The following SLC23A1 variants were observed in gnomAD, a reference collection of about 807,000 sequenced individuals.
SLC23A1 encodes the protein Na(+)/L-ascorbic acid transporter 1.
A neutral mutation model predicts 62.5 loss-of-function variants in SLC23A1; 31 were observed. The observed-to-expected ratio is 0.50, with a 90% CI of 0.37 to 0.67. The LOEUF (loss-of-function observed/expected upper bound fraction) is 0.67. Among genes scored for constraint, SLC23A1 ranks in the 30% least tolerant of loss-of-function variants. The pLI, the probability that SLC23A1 is intolerant of heterozygous loss-of-function variation, is 0.00. For synonymous variants in SLC23A1, 271 were observed against 313.2 expected, an observed-to-expected ratio of 0.87 and a Z score of 1.42; for missense variants, 640 against 782.7, an observed-to-expected ratio of 0.82 and a Z score of 2.18.
rs1363148483 is a variant in SLC23A1 at position 139,379,388 on chromosome 5, G to C, written c.926-34C>G. The C allele has an allele frequency of 6.2e-7, 1 of 1,608,456 alleles. No individual in the cohort carries two copies. Among genetic ancestry groups the C allele is most frequent in the Non-Finnish European group, 8.5e-7 (1 of 1,175,150 alleles). The stretch of plus-strand genomic sequence containing the variant: ...GGAGGGAGACAGGATGGTGGCTACA[G>C]TGAGGAGACTGTGATGGTTAGGAAT... On this transcript the variant is annotated intron_variant, in intron 8 of 14. Transcript: ENST00000348729. This position sits in a 1 kb window ranked among gnomAD's most constrained non-coding sequence, Gnocchi z 4.7.
At chr5:139,376,063 G>A (rs1019873637) in intron 13 of SLC23A1, among the ~76,000 whole-genome samples, 1 of 152,122 alleles carries the variant, frequency 6.6e-6, no homozygotes, top group South Asian at 2.1e-4. Flanking sequence ...GGTCACATAA[G>A]CCCAGGAGTT....
At chr5:139,371,923 T>C (rs543798250) in intron 14 of SLC23A1, 64 bp downstream of exon 14, 17 of 1,321,774 alleles carry the variant, frequency 1.3e-5, no homozygotes, top group African/African-American at 2.9e-5. Flanking sequence ...GGTTTTTCTT[T>C]GGTTAAAGCA....
At position 139,372,391 on chromosome 5, in the gene SLC23A1, T is replaced by C. The variant is rs1757717599; in HGVS notation, c.1550-138A>G. ...CATTTGGTCCTAAAACGTGGCTGAA[T>C]CTATGGTTTCTGAGCTCCTAACTTG... On this transcript the variant is annotated intron_variant, in intron 13 of 14. Transcript: ENST00000348729. 10 of 775,700 alleles carry C rather than the reference T, an allele frequency of 1.3e-5. No individual in the cohort carries two copies. In the South Asian group the frequency reaches 1.5e-4, roughly 11 times the overall value. The allele number at this position is 775,700 out of a possible 1,614,324, so 48.1% of individuals were successfully genotyped here.
chr5:139,380,166 G>A (rs1165373197), intron 6 of SLC23A1, 42 bp downstream of exon 6: 2 of 1,557,476 alleles, frequency 1.3e-6, no homozygotes, highest in Non-Finnish European at 1.7e-6. Context: ...AAGAGGGTAG[G>A]GTGCTGGGGC....
Position 139,378,107 on chromosome 5 carries a change from C to A in SLC23A1, c.1321G>T (p.Ala441Ser). 6.2e-7 allele frequency: 1 copy of A among 1,614,222 alleles called. No homozygotes were observed. The highest frequency in any genetic ancestry group is 8.5e-7 in the Non-Finnish European group (1 of 1,180,038). The stretch of plus-strand genomic sequence containing the variant: ...AATTGCAGGTTGGACAGCCCCACAG[C>A]TGTAATCATGCCTAAGGGCGCAAGA... ...MFCTLFGMIT[A>S]VGLSNLQFVD... Residue 441 changes from alanine (A) to serine (S), a missense_variant, in exon 12 of 15, where the codon GCT becomes TCT. Coordinates refer to ENST00000348729, the MANE Select transcript of SLC23A1 (RefSeq NM_005847.5). This position sits in a 1 kb window ranked among gnomAD's most constrained non-coding sequence, Gnocchi z 4.5.
Position 139,382,611 on chromosome 5 carries a change from G to A in SLC23A1, c.37-6C>T, listed in dbSNP as rs1410089831. 1.3e-6 allele frequency: 2 copies of A among 1,572,532 alleles called. No homozygotes were observed. Among genetic ancestry groups the A allele is most frequent in the South Asian group, 2.2e-5 (2 of 90,094 alleles). On this transcript the variant is annotated splice_polypyrimidine_tract_variant and splice_region_variant and intron_variant, in intron 1 of 14. Coordinates refer to ENST00000348729, the MANE Select transcript of SLC23A1 (RefSeq NM_005847.5). ...GGGTCCCTGGTGGTTTCATGCTGGA[G>A]GCAGCAGAGATAAGTAGCTTAGGGT...
At chr5:139,368,873 A>T in intron 14 of SLC23A1, 1 of 1,103,296 alleles carries the variant, frequency 9.1e-7, no homozygotes, top group African/African-American at 1.6e-5. Flanking sequence ...ACTTAATTGT[A>T]AAAGCTCTCT....
At chr5:139,385,204 T>TTAGAA (rs1016243415), upstream of SLC23A1, among the ~76,000 whole-genome samples, 1 of 152,120 alleles carries the variant, frequency 6.6e-6, no homozygotes, top group Non-Finnish European at 1.5e-5. Flanking sequence ...AAAATGAGGG[T>TTAGAA]TAGAATGTTC....
chr5:139,379,619 G>C lies in SLC23A1; in HGVS notation c.925+59C>G. On this transcript the variant is annotated intron_variant, in intron 8 of 14. Coordinates refer to ENST00000348729, the MANE Select transcript of SLC23A1 (RefSeq NM_005847.5). The surrounding 1 kb of genome is among the most constrained non-coding windows in gnomAD (Gnocchi z 4.7). ...TCACCTGCTGGATTGGGGTCACCAGGAGTCTGTCTCATAGGTGGTCTCAGT... is the reference window on the plus strand; with the variant it reads ...TCACCTGCTGGATTGGGGTCACCAGCAGTCTGTCTCATAGGTGGTCTCAGT... 1 of 1,493,280 alleles carries C rather than the reference G, an allele frequency of 6.7e-7. No homozygotes were observed. Among genetic ancestry groups the C allele is most frequent in the Non-Finnish European group, 9.2e-7 (1 of 1,087,592 alleles). 92.5% of individuals were successfully genotyped at this position (1,493,280 alleles called of 1,614,324 possible).
At chr5:139,385,434 C>T (rs1278036158), upstream of SLC23A1, among the ~76,000 whole-genome samples, 1 of 151,866 alleles carries the variant, frequency 6.6e-6, no homozygotes, top group Non-Finnish European at 1.5e-5. Flanking sequence ...CAGCTGGGGT[C>T]AAAGGCAGAG....
At chr5:139,383,189 C>G in intron 1 of SLC23A1, 29 bp downstream of exon 1, 2 of 424,112 alleles carry the variant, frequency 4.7e-6, no homozygotes, top group African/African-American at 2.7e-5. Flanking sequence ...CCCCTGCCCC[C>G]CCTAGCCCCC....
chr5:139,369,198 A>G (rs1271193775), intron 14 of SLC23A1: 1 of 155,326 alleles, frequency 6.4e-6, no homozygotes, highest in East Asian at 1.9e-4. Flanking sequence ...CTTAAATTTG[A>G]TTATGTCCCC....
rs1487742087 is a variant in SLC23A1 at position 139,378,226 on chromosome 5, G to A, written c.1305C>T (p.Leu435=). The A allele has an allele frequency of 1.2e-6, 2 of 1,613,086 alleles. No individual in the cohort carries two copies. Among genetic ancestry groups the A allele is most frequent in the Non-Finnish European group, 1.7e-6 (2 of 1,179,690 alleles). ...TGGCCCGCGCCAGACACTCACCAAA[G>A]AGAGTGCAGAACATGCCCCCCAGGA... ...DPILGGMFCT[L]FGMITAVGLS... Residue 435 remains leucine (L), a synonymous_variant, in exon 11 of 15, where the codon CTC becomes CTT. Transcript: ENST00000348729. This position sits in a 1 kb window ranked among gnomAD's most constrained non-coding sequence, Gnocchi z 4.5.
At chr5:139,381,828 C>A in intron 3 of SLC23A1, 64 bp downstream of exon 3, 1 of 1,367,932 alleles carries the variant, frequency 7.3e-7, no homozygotes, top group South Asian at 1.3e-5. Context: ...AGCCCACCTG[C>A]TCCTGCTGTG....
At position 139,379,779 on chromosome 5, in the gene SLC23A1, T is replaced by C; in HGVS notation, c.824A>G (p.Asp275Gly). Reference protein sequence around the residue: ...WLLCYVLTLTDVLPTDPKAYG... With the variant: ...WLLCYVLTLTGVLPTDPKAYG... ...GGCTTTTGGGTCTGTGGGCAGCACG[T>C]CTGTCAAGGTCAGGACATAGCAGAG... Residue 275 changes from aspartate to glycine, a missense_variant, in exon 8 of 15, where the codon GAC becomes GGC. Asp to Gly is a moderately conservative substitution (Grantham distance 94). Coordinates refer to ENST00000348729, the MANE Select transcript of SLC23A1 (RefSeq NM_005847.5). The surrounding 1 kb of genome is among the most constrained non-coding windows in gnomAD (Gnocchi z 4.7). The C allele has an allele frequency of 6.2e-7, 1 of 1,614,050 alleles. No homozygotes were observed. The highest frequency in any genetic ancestry group is 8.5e-7 in the Non-Finnish European group (1 of 1,180,000).
At chr5:139,377,265 A>C (rs1167796972) in intron 13 of SLC23A1, 137 bp downstream of exon 13, 2 of 647,904 alleles carry the variant, frequency 3.1e-6, no homozygotes, top group Non-Finnish European at 5.7e-6. Flanking sequence ...GCACTCCACC[A>C]GCCCATCTAT....
At chr5:139,375,416 A>G (rs1036765595) in intron 13 of SLC23A1, among the ~76,000 whole-genome samples, 1 of 152,200 alleles carries the variant, frequency 6.6e-6, no homozygotes, top group African/African-American at 2.4e-5. Context: ...CTGTACTCTC[A>G]GCTCTTCAGG....
At position 139,377,412 on chromosome 5, in the gene SLC23A1, G is replaced by A; in HGVS notation, c.1539C>T (p.Asn513=). 1 of 1,586,376 alleles carries A rather than the reference G, an allele frequency of 6.3e-7. No individual in the cohort carries two copies. The highest frequency in any genetic ancestry group is 2.2e-5 in the East Asian group (1 of 44,762). Residue 513 remains asparagine (N), a synonymous_variant, in exon 13 of 15, where the codon AAC becomes AAT. Transcript: ENST00000348729. ...AGGACCGAACCATACCTGGCACTGT[G>A]TTGTCAAGTATGAAAGCAAGGCACC... is the stretch of plus-strand genomic sequence containing the variant. ...VGGCLAFILD[N]TVPGSPEERG... is the part of the protein sequence containing the mutation.
intron 14 of SLC23A1, chr5:139,368,761 A>T: frequency 6.2e-7 from 1 of 1,613,712 alleles, no homozygotes; most frequent in Non-Finnish European, 8.5e-7. Flanking sequence ...CCAAATGCAA[A>T]GGAGTTTGTT....
Sources: allele counts gnomAD v4.1 joint callset (sites outside exome capture counted in the v4.1 genomes callset), GRCh38; gene constraint gnomAD v4.1.1; non-coding constraint Gnocchi (gnomAD v3.1); transcripts MANE v1.5; gene names NCBI Gene and HGNC (gene_info 2026-07-23, HGNC 2026-07-21).